CCDC141: variants seen among roughly 807,000 people sequenced by gnomAD.
CCDC141 encodes coiled-coil domain containing 141, also known as coiled-coil domain-containing protein 141.
In CCDC141, 168 loss-of-function variants were observed where a neutral mutation model predicts 181.0. That is an observed-to-expected ratio of 0.93 (90% CI 0.82 to 1.05). CCDC141 has a LOEUF of 1.05. Among genes scored for constraint, CCDC141 ranks in the 50% least tolerant of loss-of-function variants. The pLI is 0.00. For missense variants in CCDC141, 1,902 were observed against 1,788.5 expected (o/e 1.06, Z -1.14); for synonymous variants, 666 against 642.3 (o/e 1.04, Z -0.56).
chr2:178,831,493 A>G lies in CCDC141; in HGVS notation c.*2680T>C, dbSNP rs1684247506. On this transcript the variant is annotated 3_prime_UTR_variant, in exon 24 of 24. Transcript: ENST00000443758. ...TTTCATTTTAGTTTTCTTGTTGAAA[A>G]TGTTTTGATATTACTAACCATTCAG... 6.6e-6 allele frequency: 1 copy of G among 152,176 alleles called. No individual in the cohort carries two copies. Among genetic ancestry groups the G allele is most frequent in the Admixed American group, 6.6e-5 (1 of 15,260 alleles). The allele number at this position is 152,176 out of a possible 1,614,324, so 9.4% of individuals were successfully genotyped here.
intron 11 of CCDC141, among the ~76,000 whole-genome samples, chr2:178,883,441 G>C (rs913227786): frequency 1.3e-5 from 2 of 152,032 alleles, no homozygotes; most frequent in African/African-American, 4.8e-5. Flanking sequence ...AGAAAATAAA[G>C]AGAAAAAGCT....
chr2:178,981,636 G>GTGTGTATATATATATATATATATA (rs1313433628), intron 2 of CCDC141, among the ~76,000 whole-genome samples: 1 of 62,404 alleles, frequency 1.6e-5, no homozygotes, highest in Non-Finnish European at 3.2e-5. Flanking sequence ...GTGTGTGTGT[G>GTGTGTATATATATATATATATATA]TATATATATA....
At chr2:178,922,982 T>C (rs1688757448) in intron 6 of CCDC141, among the ~76,000 whole-genome samples, 1 of 152,248 alleles carries the variant, frequency 6.6e-6, no homozygotes, top group South Asian at 2.1e-4. Flanking sequence ...TCTCAGAAAA[T>C]TGGTTCTGTT....
At chr2:178,928,321 G>A (rs2154375593) in intron 6 of CCDC141, among the ~76,000 whole-genome samples, 2 of 152,294 alleles carry the variant, frequency 1.3e-5, no homozygotes, top group Middle Eastern at 6.8e-3. Context: ...GAAGGTCAAG[G>A]ACAGCGAAGG....
rs1342584617 is a variant in CCDC141, at chr2:178,855,335, A to G, written c.3060+12T>C. ...ACATTACAACATGGATACCACTGCA[A>G]AAAGAGAATACCTCTTCTATCACCT... On this transcript the variant is annotated intron_variant, in intron 19 of 23. Coordinates refer to ENST00000443758, the MANE Select transcript of CCDC141 (RefSeq NM_173648.4). The G allele has an allele frequency of 1.3e-6, 2 of 1,598,794 alleles. No individual in the cohort carries two copies. The highest frequency in any genetic ancestry group is 1.2e-5 in the South Asian group (1 of 86,480).
intron 5 of CCDC141, among the ~76,000 whole-genome samples, chr2:178,953,911 CAT>C (rs1222239991): frequency 6.6e-6 from 1 of 152,210 alleles, no homozygotes; most frequent in Non-Finnish European, 1.5e-5. Context: ...AGGCTATGCT[CAT>C]ATATGTCATC....
intron 2 of CCDC141, chr2:179,001,802 A>G (rs966709839): frequency 6.6e-6 from 1 of 152,280 alleles, no homozygotes; most frequent in Non-Finnish European, 1.5e-5. Flanking sequence ...AAATTCACTG[A>G]AGTGGCTGAT....
At chr2:178,978,856 G>T (rs1251811282) in intron 2 of CCDC141, among the ~76,000 whole-genome samples, 181 bp from the exon 3 acceptor site, 1 of 152,184 alleles carries the variant, frequency 6.6e-6, no homozygotes, top group Non-Finnish European at 1.5e-5. Context: ...GGATTGAGGT[G>T]AGCCAGGAAG....
At chr2:178,949,621 A>G (rs1168289135) in intron 5 of CCDC141, among the ~76,000 whole-genome samples, 1 of 152,232 alleles carries the variant, frequency 6.6e-6, no homozygotes, top group Non-Finnish European at 1.5e-5. Flanking sequence ...ATAGAATCCA[A>G]TTTTAACACA....
intron 2 of CCDC141, among the ~76,000 whole-genome samples, chr2:178,995,184 C>G (rs1692226936): frequency 6.6e-6 from 1 of 152,206 alleles, no homozygotes; most frequent in African/African-American, 2.4e-5. Context: ...CTGATTAAGA[C>G]ATAACTGAGA....
intron 2 of CCDC141, among the ~76,000 whole-genome samples, chr2:179,041,259 T>C (rs2043293170): frequency 1.3e-5 from 2 of 151,982 alleles, no homozygotes; most frequent in African/African-American, 4.8e-5. Flanking sequence ...CCTAGCTAAT[T>C]TTTTGTATTT....
chr2:178,867,966 T>C (rs1575148676), intron 16 of CCDC141, 60 bp downstream of exon 16: 3 of 1,379,860 alleles, frequency 2.2e-6, no homozygotes, highest in Non-Finnish European at 3.0e-6. Flanking sequence ...GTTTCTTTCA[T>C]ATGCTAGCCC....
chr2:178,881,564 T>G (rs781203190), intron 11 of CCDC141, among the ~76,000 whole-genome samples: 1 of 151,942 alleles, frequency 6.6e-6, no homozygotes, highest in Non-Finnish European at 1.5e-5. Flanking sequence ...AAAGAACGTT[T>G]TTAATGGAGT....
In CCDC141 at chr2:178,853,517, A is replaced by T; in HGVS notation, c.3168T>A (p.Asn1056Lys). The stretch of plus-strand genomic sequence containing the variant: ...GCGGCACTGAGGGTGCAATAAACTT[A>T]TTAAACTGCTGGTGGAGAATTTTCA... ...EAVKILHQQFNKFIAPSVPQQ... is the reference protein window; with the variant it reads ...EAVKILHQQFKKFIAPSVPQQ... Residue 1056 changes from asparagine to lysine, a missense_variant, in exon 20 of 24, where the codon AAT (asparagine) becomes AAA (lysine). By Grantham distance (94) the Asn-to-Lys change is moderately conservative. Transcript: ENST00000443758. 6.2e-7 allele frequency: 1 copy of T among 1,614,162 alleles called. No individual in the cohort carries two copies. Among genetic ancestry groups the T allele is most frequent in the Non-Finnish European group, 8.5e-7 (1 of 1,179,998 alleles).
chr2:178,942,882 T>C (rs1325120631), intron 6 of CCDC141, among the ~76,000 whole-genome samples: 1 of 152,158 alleles, frequency 6.6e-6, no homozygotes, highest in Non-Finnish European at 1.5e-5. Context: ...TTAATAATAT[T>C]GATGGAAAGA....
chr2:178,975,444 T>C (rs1283697756), intron 3 of CCDC141, among the ~76,000 whole-genome samples: 1 of 152,176 alleles, frequency 6.6e-6, no homozygotes, highest in Non-Finnish European at 1.5e-5. Context: ...ACCTGTTTAC[T>C]GTCCAAATGC....
rs770435412 is a variant in CCDC141 at position 178,849,927 on chromosome 2, C to G, written c.3357+122G>C. The G allele has an allele frequency of 5.1e-6, 3 of 591,942 alleles. No homozygotes were observed. In the Admixed American group the frequency reaches 1.1e-4, roughly 21 times the overall value. The allele number at this position is 591,942 out of a possible 1,614,324, so 36.7% of individuals were successfully genotyped here. A position where few individuals can be genotyped will look rare whatever the true frequency, so the allele number is the denominator to read the frequency against. On this transcript the variant is annotated intron_variant, in intron 21 of 23. Coordinates refer to ENST00000443758, the MANE Select transcript of CCDC141 (RefSeq NM_173648.4). ...ATAATTATGTTTGAAAGCTGTAAAA[C>G]AAATGTGCACATTATGTACCCTGAG... is the stretch of plus-strand genomic sequence containing the variant.
intron 5 of CCDC141, among the ~76,000 whole-genome samples, chr2:178,949,291 G>C (rs1434442721): frequency 6.6e-6 from 1 of 152,112 alleles, no homozygotes; most frequent in Non-Finnish European, 1.5e-5. Context: ...AGAAGTATTA[G>C]GTACGAATTT....
chr2:178,949,448 G>A (rs987926575), intron 5 of CCDC141, among the ~76,000 whole-genome samples: 3 of 152,124 alleles, frequency 2.0e-5, no homozygotes, highest in Admixed American at 2.0e-4. Context: ...ATTCTTGTAG[G>A]TAGGGACAGA....
Sources: gnomAD v4.1 joint callset for allele counts (sites outside exome capture counted in the v4.1 genomes callset) on GRCh38, gnomAD v4.1.1 for gene constraint, MANE v1.5 for transcripts, NCBI Gene and HGNC (gene_info 2026-07-23, HGNC 2026-07-21) for gene names.